PRDM13: variants seen among roughly 807,000 people sequenced by gnomAD.
PRDM13 encodes the protein PR/SET domain 13.
PRDM13 carries 15 observed loss-of-function variants against 36.4 expected under a neutral mutation model. The observed-to-expected ratio is 0.41, with a 90% CI of 0.28 to 0.64. PRDM13 has a LOEUF of 0.64. Among genes scored for constraint, PRDM13 ranks in the 30% least tolerant of loss-of-function variants. The pLI is 0.29. For synonymous variants in PRDM13, 531 were observed against 467.7 expected (o/e 1.14, Z -1.75); for missense variants, 1,044 against 1,013.5 (o/e 1.03, Z -0.41).
rs527583924 is a variant in PRDM13 at position 99,614,847 on chromosome 6, G to A, written c.*88G>A. The A allele has an allele frequency of 6.8e-7, 1 of 1,477,540 alleles. No individual in the cohort carries two copies. The highest frequency in any genetic ancestry group is 1.4e-5 in the South Asian group (1 of 73,240). The allele number at this position is 1,477,540 out of a possible 1,614,324, so 91.5% of individuals were successfully genotyped here. A position where few individuals can be genotyped will look rare whatever the true frequency, so the allele number is the denominator to read the frequency against. On this transcript the variant is annotated 3_prime_UTR_variant, in exon 4 of 4. Transcript: ENST00000369215. ...AGAGGAACTCCTGGTGGTGGGAAGA[G>A]GGACCCAATGGACAAAACCGTTTTT...
At position 99,615,215 on chromosome 6, in the gene PRDM13, A is replaced by G. The variant is rs1258700579; in HGVS notation, c.*456A>G. On this transcript the variant is annotated 3_prime_UTR_variant, in exon 4 of 4. Coordinates refer to ENST00000369215, the MANE Select transcript of PRDM13 (RefSeq NM_021620.4). Reference sequence around the variant, plus strand: ...GTATTTCACGTTAGCATTTCATTGCATAGGCAAAACACTAGTCACAATTGG... The same window carrying G: ...GTATTTCACGTTAGCATTTCATTGCGTAGGCAAAACACTAGTCACAATTGG... The G allele has an allele frequency of 5.6e-6, 1 of 178,672 alleles. No homozygotes were observed. Among genetic ancestry groups the G allele is most frequent in the East Asian group, 1.7e-4 (1 of 6,014 alleles). 11.1% of individuals were successfully genotyped at this position (178,672 alleles called of 1,614,324 possible). A position where few individuals can be genotyped will look rare whatever the true frequency, so the allele number is the denominator to read the frequency against.
In PRDM13 at chr6:99,613,954, AC is replaced by A. The variant is rs1770084603; in HGVS notation, c.1322del (p.Pro441ArgfsTer50). The A allele has an allele frequency of 6.3e-7, 1 of 1,592,142 alleles. No individual in the cohort carries two copies. The highest frequency in any genetic ancestry group is 8.5e-7 in the Non-Finnish European group (1 of 1,172,830). On this transcript the variant is annotated frameshift_variant, in exon 4 of 4. Transcript: ENST00000369215. LOFTEE classifies it high-confidence loss of function. The surrounding 1 kb of genome is among the most constrained non-coding windows in gnomAD (Gnocchi z 6.1). ...GAGCGCTGCGCGCTGCCGCCCCTCG[AC>A]CCGGGCGGTCTCAAAGCCTATCCGG... ...PLERCALPPL[D>X]PGGLKAYPGG...
chr6:99,608,742 TGC>T lies in PRDM13; in HGVS notation c.149_150del (p.Arg50HisfsTer63). The T allele has an allele frequency of 6.2e-7, 1 of 1,605,102 alleles. No homozygotes were observed. Among genetic ancestry groups the T allele is most frequent in the Non-Finnish European group, 8.5e-7 (1 of 1,175,834 alleles). ...GAACGACCACTGCTTGTGTTGCAGG[TGC>T]GCATGGTGAGAGGGGAGCTGGTGGA... On this transcript the variant is annotated frameshift_variant and splice_region_variant, in exon 2 of 4. Coordinates refer to ENST00000369215, the MANE Select transcript of PRDM13 (RefSeq NM_021620.4). LOFTEE classifies it high-confidence loss of function.
intron 1 of PRDM13, 175 bp downstream of exon 1, chr6:99,607,353 TGGACGGGGTC>T: frequency 9.4e-7 from 1 of 1,059,526 alleles, no homozygotes; most frequent in Non-Finnish European, 1.3e-6. Context: ...CTGTGAGAGC[TGGACGGGGTC>T]GGGCTGAGAG....
At chr6:99,609,166 G>C (rs769901477) in intron 2 of PRDM13, 21 bp from the exon 3 acceptor site, 20 of 1,612,880 alleles carry the variant, frequency 1.2e-5, no homozygotes, top group Non-Finnish European at 1.7e-5. Context: ...ACATTGAACT[G>C]TTCTATTCCT....
rs1562508586 is a variant in PRDM13, at chr6:99,613,027, GC to G, written c.398-3del. ...CCGGGTCGCTTTTCCATTCTTTCTT[GC>G]CCAGGGGAGGAGCGCTACATCTGCT... On this transcript the variant is annotated splice_region_variant and splice_polypyrimidine_tract_variant and intron_variant, in intron 3 of 3. Coordinates refer to ENST00000369215, the MANE Select transcript of PRDM13 (RefSeq NM_021620.4). This position sits in a 1 kb window ranked among gnomAD's most constrained non-coding sequence, Gnocchi z 6.1. 1 of 1,418,302 alleles carries G rather than the reference GC, an allele frequency of 7.1e-7. No homozygotes were observed. Among genetic ancestry groups the G allele is most frequent in the Non-Finnish European group, 9.7e-7 (1 of 1,035,232 alleles). The allele number at this position is 1,418,302 out of a possible 1,614,324, so 87.9% of individuals were successfully genotyped here.
At position 99,613,933 on chromosome 6, in the gene PRDM13, G is replaced by A; in HGVS notation, c.1298G>A (p.Arg433His). ...LPPAPGLPLE[R>H]CALPPLDPGG... The stretch of plus-strand genomic sequence containing the variant: ...CCTGCGCCGGGGTTGCCCCTCGAGC[G>A]CTGCGCGCTGCCGCCCCTCGACCCG... The change falls in exon 4 of 4, where the codon CGC becomes CAC. Residue 433 changes from arginine to histidine, a missense_variant. This residue lies in a region of PRDM13 where 921 missense variants were observed against 865.2 expected (regional missense o/e 1.06). Coordinates refer to ENST00000369215, the MANE Select transcript of PRDM13 (RefSeq NM_021620.4). The surrounding 1 kb of genome is among the most constrained non-coding windows in gnomAD (Gnocchi z 6.1). 1.3e-6 allele frequency: 2 copies of A among 1,587,548 alleles called. No homozygotes were observed. The highest frequency in any genetic ancestry group is 2.4e-5 in the East Asian group (1 of 42,160).
intron 3 of PRDM13, 94 bp from the exon 4 acceptor site, chr6:99,612,939 G>C: frequency 6.5e-7 from 1 of 1,546,166 alleles, no homozygotes; most frequent in South Asian, 1.2e-5. Flanking sequence ...ACCGCTAGTC[G>C]AAACTTGGGC....
chr6:99,614,614 C>T lies in PRDM13; in HGVS notation c.1979C>T (p.Ala660Val). 1 of 1,612,520 alleles carries T rather than the reference C, an allele frequency of 6.2e-7. No individual in the cohort carries two copies. Among genetic ancestry groups the T allele is most frequent in the Non-Finnish European group, 8.5e-7 (1 of 1,179,804 alleles). Residue 660 changes from alanine (A) to valine (V), a missense_variant, in exon 4 of 4, where the codon GCC becomes GTC. This residue lies in a region of PRDM13 where 115 missense variants were observed against 122.1 expected (regional missense o/e 0.94). Coordinates refer to ENST00000369215, the MANE Select transcript of PRDM13 (RefSeq NM_021620.4). ...KSRHPGQSLL[A>V]KAGDGPGAEP... ...CGCCACCCTGGCCAGAGTCTGCTCG[C>T]CAAAGCGGGCGACGGCCCGGGTGCC...
chr6:99,610,628 G>C (rs115219698), intron 3 of PRDM13, among the ~76,000 whole-genome samples: 4 of 152,118 alleles, frequency 2.6e-5, no homozygotes, highest in Non-Finnish European at 4.4e-5. Flanking sequence ...TTATTTTGTA[G>C]GTATAGTATT....
rs773421519 is a variant in PRDM13, at chr6:99,614,468, C to T, written c.1833C>T (p.Gly611=). 5 of 1,613,488 alleles carry T rather than the reference C, an allele frequency of 3.1e-6. No individual in the cohort carries two copies. The South Asian group carries it at 5.5e-5, about 18-fold the overall frequency. The change falls in exon 4 of 4, where the codon GGC becomes GGT. Residue 611 remains glycine, a synonymous_variant. Transcript: ENST00000369215. ...LKCKVCLRPF[G]DPSNLNKHIR... is the part of the protein sequence containing the mutation. ...GCAAAGTCTGTCTGCGGCCCTTCGG[C>T]GACCCCAGCAATCTCAACAAGCACA...
rs758114201 is a variant in PRDM13, at chr6:99,614,720, C to T, written c.2085C>T (p.Ser695=). The change falls in exon 4 of 4, where the codon AGC becomes AGT. Residue 695 remains serine (S), a synonymous_variant. Coordinates refer to ENST00000369215, the MANE Select transcript of PRDM13 (RefSeq NM_021620.4). ...DVDVCFTDDQ[S]DPEVGGGGER... ...ACGTCTGCTTCACAGACGACCAGAGCGACCCCGAGGTTGGGGGCGGCGGGG... is the reference window on the plus strand; with the variant it reads ...ACGTCTGCTTCACAGACGACCAGAGTGACCCCGAGGTTGGGGGCGGCGGGG... 1 of 1,592,276 alleles carries T rather than the reference C, an allele frequency of 6.3e-7. No homozygotes were observed. Among genetic ancestry groups the T allele is most frequent in the Middle Eastern group, 1.7e-4 (1 of 5,944 alleles).
In PRDM13 at chr6:99,609,212, T is replaced by C; in HGVS notation, c.302T>C (p.Val101Ala). ...ATCTTCTACCGAGCATTGCGAGACG[T>C]CCAGCCAGGGGAGGAGCTGACAGTG... ...GQIFYRALRD[V>A]QPGEELTVWY... The change falls in exon 3 of 4, where the codon GTC becomes GCC. Residue 101 changes from valine to alanine, a missense_variant. Physicochemically the swap from Val to Ala is moderately conservative, Grantham distance 64. Transcript: ENST00000369215. The C allele has an allele frequency of 1.2e-6, 2 of 1,613,668 alleles. No homozygotes were observed. Among genetic ancestry groups the C allele is most frequent in the Non-Finnish European group, 1.7e-6 (2 of 1,179,642 alleles).
chr6:99,606,900 C>G lies in PRDM13; in HGVS notation c.-135C>G. The G allele has an allele frequency of 8.1e-7, 1 of 1,236,668 alleles. No homozygotes were observed. The highest frequency in any genetic ancestry group is 1.1e-6 in the Non-Finnish European group (1 of 924,480). 76.6% of individuals were successfully genotyped at this position (1,236,668 alleles called of 1,614,324 possible). A position where few individuals can be genotyped will look rare whatever the true frequency, so the allele number is the denominator to read the frequency against. ...CGATTGAAAAGGCGCAGTGCATGCC[C>G]GCCCGCGTCACTCCGCGGGCGGAGG... On this transcript the variant is annotated 5_prime_UTR_variant, in exon 1 of 4. Coordinates refer to ENST00000369215, the MANE Select transcript of PRDM13 (RefSeq NM_021620.4).
chr6:99,608,259 T>C (rs1769980064), intron 1 of PRDM13, among the ~76,000 whole-genome samples: 1 of 152,186 alleles, frequency 6.6e-6, no homozygotes, highest in Non-Finnish European at 1.5e-5. Flanking sequence ...TCCGAGACTT[T>C]AGCTGCAGGG....
chr6:99,612,229 G>T lies in PRDM13; in HGVS notation c.398-804G>T, dbSNP rs895366148. On this transcript the variant is annotated intron_variant, in intron 3 of 3. Transcript: ENST00000369215. ...CTTGGATTTGTGCAGCTATCTAGGA[G>T]TTAATTAATTACCAAGTGGCAGACA... 3.3e-5 allele frequency among the ~76,000 whole-genome samples: 5 copies of T among 152,096 alleles called. No homozygotes were observed. The East Asian group carries it at 9.6e-4, about 29-fold the overall frequency.
In PRDM13 at chr6:99,612,983, C is replaced by T. The variant is rs1388197104; in HGVS notation, c.398-50C>T. On this transcript the variant is annotated intron_variant, in intron 3 of 3. Transcript: ENST00000369215. ...GGGTGCACTGGCGCTTTCTTTATGT[C>T]TCGCTTGTTCGCCTCTCACCGGGTC... 6 of 1,601,706 alleles carry T rather than the reference C, an allele frequency of 3.7e-6. No individual in the cohort carries two copies. In the East Asian group the frequency reaches 1.3e-4, roughly 36 times the overall value.
intron 1 of PRDM13, among the ~76,000 whole-genome samples, chr6:99,607,650 A>C (rs1769968201): frequency 6.6e-6 from 1 of 152,152 alleles, no homozygotes; most frequent in African/African-American, 2.4e-5. Flanking sequence ...GAAAAAAAAA[A>C]TCTTTGGGAG....
Position 99,614,884 on chromosome 6 carries a change from G to A in PRDM13, c.*125G>A. The A allele has an allele frequency of 7.9e-7, 1 of 1,264,904 alleles. No individual in the cohort carries two copies. Among genetic ancestry groups the A allele is most frequent in the East Asian group, 2.5e-5 (1 of 39,740 alleles). The allele number at this position is 1,264,904 out of a possible 1,614,324, so 78.4% of individuals were successfully genotyped here. A position where few individuals can be genotyped will look rare whatever the true frequency, so the allele number is the denominator to read the frequency against. ...ACAAAACCGTTTTTGTTTTTGAGAG[G>A]GCGCCAGATTTGAAACAGTGAGAGG... is the stretch of plus-strand genomic sequence containing the variant. On this transcript the variant is annotated 3_prime_UTR_variant, in exon 4 of 4. Coordinates refer to ENST00000369215, the MANE Select transcript of PRDM13 (RefSeq NM_021620.4).
Sources: gnomAD v4.1 joint callset for allele counts (sites outside exome capture counted in the v4.1 genomes callset) on GRCh38, gnomAD v4.1.1 for gene constraint, gnomAD v4.1.1 regional missense constraint, Gnocchi (gnomAD v3.1) non-coding constraint, MANE v1.5 for transcripts, NCBI Gene and HGNC (gene_info 2026-07-23, HGNC 2026-07-21) for gene names.